The following AJAP1 variants were observed in gnomAD, a reference collection of about 807,000 sequenced individuals.
The protein encoded by AJAP1 is adherens junction-associated protein 1.
AJAP1 carries 5 observed loss-of-function variants against 35.0 expected under a neutral mutation model. The ratio of observed to expected loss-of-function variants is 0.14; its 90% confidence interval spans 0.07 to 0.30. AJAP1 has a LOEUF of 0.30. Among genes scored for constraint, AJAP1 ranks in the 10% least tolerant of loss-of-function variants. The pLI is 1.00. For missense variants in AJAP1, 586 were observed against 571.0 expected (o/e 1.03, Z -0.27); for synonymous variants, 284 against 249.3 (o/e 1.14, Z -1.31).
intron 1 of AJAP1, among the ~76,000 whole-genome samples, chr1:4,662,245 C>T (rs1278827548): frequency 6.6e-6 from 1 of 152,198 alleles, no homozygotes; most frequent in Non-Finnish European, 1.5e-5. Flanking sequence ...TTGTAGCAAT[C>T]CCCGTTCCTG....
chr1:4,665,868 G>T (rs935440878), intron 1 of AJAP1, among the ~76,000 whole-genome samples: 10 of 152,240 alleles, frequency 6.6e-5, no homozygotes, highest in Admixed American at 4.6e-4. Flanking sequence ...GGAATTGCAG[G>T]AGCCAAGAGG....
chr1:4,696,944 CATGTTCTGTGTGTATGTGTGTCTCTGT>C (rs1557613448), intron 1 of AJAP1, among the ~76,000 whole-genome samples: 1 of 151,938 alleles, frequency 6.6e-6, no homozygotes, highest in Non-Finnish European at 1.5e-5. Context: ...TGTGTCTCTG[CATGTTCTGTGTGTATGTGTGTCTCTGT>C]ATGTGCACAT....
intron 5 of AJAP1, among the ~76,000 whole-genome samples, chr1:4,779,169 A>G (rs1642012696): frequency 6.6e-6 from 1 of 152,202 alleles, no homozygotes; most frequent in African/African-American, 2.4e-5. Flanking sequence ...CTTTCCAGCC[A>G]AAACCTGAAG....
intron 1 of AJAP1, among the ~76,000 whole-genome samples, chr1:4,708,851 TG>T (rs1358975367): frequency 6.6e-6 from 1 of 152,192 alleles, no homozygotes; most frequent in East Asian, 1.9e-4. Context: ...GGGAGTGGGC[TG>T]GGGCCTCTGT....
rs548944603 is a variant in AJAP1, at chr1:4,750,547, A to G, written c.830-19306A>G. Reference sequence around the variant, plus strand: ...TGGGATCAGTGGGTTCTCTAGGAGCAGGGCTGGAGGTGAGGTGTGCTGGGA... The same window carrying G: ...TGGGATCAGTGGGTTCTCTAGGAGCGGGGCTGGAGGTGAGGTGTGCTGGGA... On this transcript the variant is annotated intron_variant, in intron 2 of 5. Transcript: ENST00000378191. Among the ~76,000 whole-genome samples, 725 of 152,116 alleles carry G rather than the reference A, an allele frequency of 4.8e-3. 5 individuals carry two copies. The highest frequency in any genetic ancestry group is 8.0e-3 in the Non-Finnish European group (541 of 68,004).
intron 2 of AJAP1, 52 bp downstream of exon 2, chr1:4,712,751 G>A (rs1487990915): frequency 2.0e-6 from 3 of 1,478,206 alleles, no homozygotes; most frequent in Non-Finnish European, 2.7e-6. Flanking sequence ...AGGGCTGGGA[G>A]CGTGACTCGG....
At chr1:4,779,641 G>A (rs780255465) in intron 5 of AJAP1, among the ~76,000 whole-genome samples, 2 of 151,990 alleles carry the variant, frequency 1.3e-5, no homozygotes, top group Non-Finnish European at 2.9e-5. Flanking sequence ...TATGACTTAC[G>A]GTCCAACCCT....
intron 2 of AJAP1, among the ~76,000 whole-genome samples, chr1:4,718,507 A>C (rs1350238882): frequency 6.9e-6 from 1 of 145,300 alleles, no homozygotes; most frequent in Non-Finnish European, 1.5e-5. Flanking sequence ...TTTTTTTTAG[A>C]TGGAGTCTCG....
intron 1 of AJAP1, among the ~76,000 whole-genome samples, chr1:4,666,153 A>T (rs1013737153): frequency 6.9e-6 from 1 of 144,428 alleles, no homozygotes. Context: ...CGGCCCACCC[A>T]GGAGGGGCAC....
rs1196273374 is a variant in AJAP1, at chr1:4,789,565, C to T, written c.*7080C>T. 1 of 152,212 alleles carries T rather than the reference C, an allele frequency of 6.6e-6. No homozygotes were observed. The highest frequency in any genetic ancestry group is 1.5e-5 in the Non-Finnish European group (1 of 68,046). 9.4% of individuals were successfully genotyped at this position (152,212 alleles called of 1,614,324 possible). A position where few individuals can be genotyped will look rare whatever the true frequency, so the allele number is the denominator to read the frequency against. ...ACACTAAATAACAACTCCCTAAAGA[C>T]TTCAGTCTTGCATGGGCATAAGCAA... On this transcript the variant is annotated 3_prime_UTR_variant, in exon 6 of 6. Transcript: ENST00000378191. This position sits in a 1 kb window ranked among gnomAD's most constrained non-coding sequence, Gnocchi z 4.4.
At chr1:4,685,815 C>G (rs1006764001) in intron 1 of AJAP1, among the ~76,000 whole-genome samples, 21 of 152,310 alleles carry the variant, frequency 1.4e-4, no homozygotes, top group Admixed American at 1.2e-3. Flanking sequence ...TAGAATCTCC[C>G]CTCTGCCTCC....
chr1:4,741,436 C>T (rs1641067251), intron 2 of AJAP1, among the ~76,000 whole-genome samples: 1 of 152,218 alleles, frequency 6.6e-6, no homozygotes, highest in Non-Finnish European at 1.5e-5. Flanking sequence ...CTCTGCCTCT[C>T]TTTCCCTACG....
chr1:4,782,998 T>C lies in AJAP1; in HGVS notation c.*513T>C. The C allele has an allele frequency of 2.5e-6, 1 of 395,892 alleles. No homozygotes were observed. The highest frequency in any genetic ancestry group is 4.4e-6 in the Non-Finnish European group (1 of 225,124). 24.5% of individuals were successfully genotyped at this position (395,892 alleles called of 1,614,324 possible). A position where few individuals can be genotyped will look rare whatever the true frequency, so the allele number is the denominator to read the frequency against. On this transcript the variant is annotated 3_prime_UTR_variant, in exon 6 of 6. Transcript: ENST00000378191. The surrounding 1 kb of genome is among the most constrained non-coding windows in gnomAD (Gnocchi z 5.3). The stretch of plus-strand genomic sequence containing the variant: ...TGGGAATCTCTTCCGATAGAGTCGC[T>C]ATTTCTGGTTAATATACATATATAA...
In AJAP1 at chr1:4,712,525, A is replaced by G. The variant is rs141981296; in HGVS notation, c.655A>G (p.Thr219Ala). The part of the protein sequence containing the change: ...LQTRKTTVAA[T>A]TTTTTTATPM... ...AACACGGAAGACAACTGTGGCCGCC[A>G]CCACCACCACCACCACCACGGCCAC... is the stretch of plus-strand genomic sequence containing the variant. The change falls in exon 2 of 6, where the codon ACC (threonine) becomes GCC (alanine). Residue 219 changes from threonine to alanine, a missense_variant. By Grantham distance (58) the Thr-to-Ala change is moderately conservative (BLOSUM62 0). Coordinates refer to ENST00000378191, the MANE Select transcript of AJAP1 (RefSeq NM_018836.4). The G allele has an allele frequency of 3.6e-4, 555 of 1,521,810 alleles. 3 individuals carry two copies. The African/African-American group carries it at 6.9e-3, about 19-fold the overall frequency. The allele number at this position is 1,521,810 out of a possible 1,614,324, so 94.3% of individuals were successfully genotyped here.
At chr1:4,684,378 G>A (rs572171367) in intron 1 of AJAP1, among the ~76,000 whole-genome samples, 13 of 152,222 alleles carry the variant, frequency 8.5e-5, no homozygotes, top group South Asian at 2.1e-4. Context: ...GCTGCACATC[G>A]GCCTTTATGA....
intron 2 of AJAP1, among the ~76,000 whole-genome samples, chr1:4,741,217 G>A (rs1010949566): frequency 1.3e-5 from 2 of 152,166 alleles, no homozygotes; most frequent in African/African-American, 4.8e-5. Flanking sequence ...TCATCCGAGT[G>A]TCCTGGAGCT....
At chr1:4,675,661 A>T (rs1283282189) in intron 1 of AJAP1, among the ~76,000 whole-genome samples, 1 of 152,222 alleles carries the variant, frequency 6.6e-6, no homozygotes, top group Non-Finnish European at 1.5e-5. Flanking sequence ...AGAAATTCTT[A>T]TCAGGCAGGA....
At chr1:4,680,843 G>GT (rs1241396834) in intron 1 of AJAP1, among the ~76,000 whole-genome samples, 1 of 152,162 alleles carries the variant, frequency 6.6e-6, no homozygotes, top group Non-Finnish European at 1.5e-5. Context: ...TTCTAGTGGT[G>GT]TTTTTTATAT....
At chr1:4,716,199 T>G (rs1340295969) in intron 2 of AJAP1, among the ~76,000 whole-genome samples, 1 of 152,190 alleles carries the variant, frequency 6.6e-6, no homozygotes, top group Admixed American at 6.5e-5. Flanking sequence ...CTGGAATGAT[T>G]AAAGGGTCCC....
Sources: gnomAD v4.1 joint callset for allele counts (sites outside exome capture counted in the v4.1 genomes callset) on GRCh38, gnomAD v4.1.1 for gene constraint, Gnocchi (gnomAD v3.1) non-coding constraint, MANE v1.5 for transcripts, NCBI Gene and HGNC (gene_info 2026-07-23, HGNC 2026-07-21) for gene names.